GRIN2B: variants seen among roughly 807,000 people sequenced by gnomAD.
GRIN2B encodes glutamate receptor ionotropic, NMDA 2B.
GRIN2B carries 5 observed loss-of-function variants against 114.5 expected under a neutral mutation model. The ratio of observed to expected loss-of-function variants is 0.04; its 90% confidence interval spans 0.02 to 0.09. GRIN2B has a LOEUF of 0.09. GRIN2B is among the 10% of genes least tolerant of loss of function. The pLI is 1.00. For synonymous variants in GRIN2B, 787 were observed against 745.1 expected, an observed-to-expected ratio of 1.06 and a Z score of -0.92; for missense variants, 1,108 against 1,943.5, an observed-to-expected ratio of 0.57 and a Z score of 8.08.
intron 10 of GRIN2B, among the ~76,000 whole-genome samples, chr12:13,606,402 A>G (rs1189005038): frequency 2.0e-5 from 3 of 152,094 alleles, no homozygotes; most frequent in Non-Finnish European, 4.4e-5. Context: ...CTTTTTAACA[A>G]TCAGCTGTTG....
chr12:13,685,302 C>T (rs1421041824), intron 4 of GRIN2B, among the ~76,000 whole-genome samples: 1 of 152,208 alleles, frequency 6.6e-6, no homozygotes, highest in Admixed American at 6.5e-5. Context: ...TCACAATTCC[C>T]TCTAACAGCT....
Position 13,953,078 on chromosome 12 carries a change from C to G in GRIN2B, c.-19+26850G>C, listed in dbSNP as rs373210410. Among the ~76,000 whole-genome samples, 116 of 152,058 alleles carry G rather than the reference C, an allele frequency of 7.6e-4. 1 individual carries two copies. Among genetic ancestry groups the G allele is most frequent in the African/African-American group, 2.7e-3 (114 of 41,496 alleles). On this transcript the variant is annotated intron_variant, in intron 2 of 13. Transcript: ENST00000609686. ...TGACTCCAGGGATGCATGCTAGAAT[C>G]ATCTGAAACTTCTCAACTTACATGG...
intron 3 of GRIN2B, among the ~76,000 whole-genome samples, chr12:13,849,741 C>A (rs1865527469): frequency 6.6e-6 from 1 of 152,140 alleles, no homozygotes; most frequent in African/African-American, 2.4e-5. Flanking sequence ...GGCCTGTTCC[C>A]ATCTGATTTC....
chr12:13,861,462 G>A (rs1244920588), intron 3 of GRIN2B, among the ~76,000 whole-genome samples: 1 of 152,184 alleles, frequency 6.6e-6, no homozygotes, highest in Non-Finnish European at 1.5e-5. Flanking sequence ...GGATCTCAGG[G>A]AGAATAAAAG....
At chr12:13,954,811 G>GAAAAAAAAAAAAAAAAAAAAA (rs61525874) in intron 2 of GRIN2B, among the ~76,000 whole-genome samples, 938 of 25,400 alleles carry the variant, frequency 0.037, 257 homozygotes, top group Non-Finnish European at 0.071. Context: ...TCCGTCTCAG[G>GAAAAAAAAAAAAAAAAAAAAA]AAAAAAAAAA....
intron 2 of GRIN2B, among the ~76,000 whole-genome samples, chr12:13,927,982 A>AAAAAAAAAAAAG (rs71067738): frequency 2.6e-4 from 34 of 129,750 alleles, no homozygotes; most frequent in African/African-American, 9.3e-4. Flanking sequence ...AAAAAAAAAA[A>AAAAAAAAAAAAG]GGGGGGGTAT....
intron 4 of GRIN2B, among the ~76,000 whole-genome samples, chr12:13,748,597 A>G (rs932002679): frequency 6.6e-6 from 1 of 152,234 alleles, no homozygotes; most frequent in African/African-American, 2.4e-5. Flanking sequence ...AGGAACCAAG[A>G]AAATTCTTCC....
chr12:13,760,813 A>C (rs1326648003), intron 3 of GRIN2B, among the ~76,000 whole-genome samples: 1 of 152,192 alleles, frequency 6.6e-6, no homozygotes, highest in Non-Finnish European at 1.5e-5. Flanking sequence ...CTCCTCCCAA[A>C]ATAAGGGGAA....
At position 13,954,823 on chromosome 12, in the gene GRIN2B, A is replaced by AAC. The variant is rs1375806126; in HGVS notation, c.-19+25104_-19+25105insGT. 4.0e-4 allele frequency among the ~76,000 whole-genome samples: 59 copies of AAC among 147,782 alleles called. 6 individuals are homozygous for AAC. Among genetic ancestry groups the AAC allele is most frequent in the Admixed American group, 3.4e-3 (50 of 14,836 alleles). ...GACTCCGTCTCAGGAAAAAAAAAAA[A>AAC]AAAAAACTTTTTCTTCTTTGAAGGG... On this transcript the variant is annotated intron_variant, in intron 2 of 13. Transcript: ENST00000609686.
Position 13,865,981 on chromosome 12 carries a change from G to T in GRIN2B, c.228C>A (p.Thr76=), listed in dbSNP as rs77299791. 3.7e-6 allele frequency: 6 copies of T among 1,613,812 alleles called. No individual in the cohort carries two copies. The African/African-American group carries it at 6.7e-5, about 18-fold the overall frequency. The change falls in exon 3 of 14, where the codon ACC becomes ACA. Residue 76 remains threonine, a synonymous_variant. Transcript: ENST00000609686. ...PRVELVAMNE[T]DPKSIITRIC... is the part of the protein sequence containing the mutation. The stretch of plus-strand genomic sequence containing the variant: ...TGCGGGTGATGATGCTCTTTGGGTC[G>T]GTCTCATTCATGGCTACCAGTTCCA...
chr12:13,883,550 T>C (rs540729360), intron 2 of GRIN2B, among the ~76,000 whole-genome samples: 1 of 152,280 alleles, frequency 6.6e-6, no homozygotes, highest in Admixed American at 6.5e-5. Context: ...TCCTGCCAAC[T>C]AATGATGTGA....
intron 2 of GRIN2B, among the ~76,000 whole-genome samples, chr12:13,978,295 A>C (rs1863064860): frequency 6.6e-6 from 1 of 152,210 alleles, no homozygotes; most frequent in African/African-American, 2.4e-5. Context: ...AGGTGTCTCT[A>C]AGGTGAGCAC....
chr12:13,957,743 G>A (rs1406841097), intron 2 of GRIN2B, among the ~76,000 whole-genome samples: 1 of 152,130 alleles, frequency 6.6e-6, no homozygotes, highest in Non-Finnish European at 1.5e-5. Context: ...CATCTCTCTT[G>A]CCTCCCTTGA....
At chr12:13,783,230 G>A (rs1316209642) in intron 3 of GRIN2B, among the ~76,000 whole-genome samples, 2 of 151,922 alleles carry the variant, frequency 1.3e-5, no homozygotes, top group Non-Finnish European at 2.9e-5. Flanking sequence ...CAATCACCAA[G>A]GGGCAGGACA....
In GRIN2B at chr12:13,560,187, C is replaced by T. The variant is rs1948523908; in HGVS notation, c.*2596G>A. ...GGGGGATGGACACAATTACTTTCCC[C>T]TGGCTTTTTCACCATAGTGGCCTCC... On this transcript the variant is annotated 3_prime_UTR_variant, in exon 14 of 14. Transcript: ENST00000609686. The T allele has an allele frequency of 6.6e-6, 1 of 152,188 alleles. No homozygotes were observed. Among genetic ancestry groups the T allele is most frequent in the South Asian group, 2.1e-4 (1 of 4,828 alleles). 9.4% of individuals were successfully genotyped at this position (152,188 alleles called of 1,614,324 possible).
At chr12:13,761,427 TAGCCAGAAGAA>T (rs1863678086) in intron 3 of GRIN2B, among the ~76,000 whole-genome samples, 1 of 152,152 alleles carries the variant, frequency 6.6e-6, no homozygotes, top group Non-Finnish European at 1.5e-5. Flanking sequence ...GACAACTTTA[TAGCCAGAAGAA>T]AACAACAGGA....
intron 2 of GRIN2B, among the ~76,000 whole-genome samples, chr12:13,899,728 G>C (rs1866411682): frequency 6.9e-6 from 1 of 144,134 alleles, no homozygotes; most frequent in Admixed American, 6.8e-5. Context: ...TTAAGATGTT[G>C]GAAACTTTTC....
At chr12:13,820,836 C>T (rs988825411) in intron 3 of GRIN2B, among the ~76,000 whole-genome samples, 1 of 152,040 alleles carries the variant, frequency 6.6e-6, no homozygotes, top group African/African-American at 2.4e-5. Flanking sequence ...TAACTAGTCT[C>T]CCTGCCCACA....
At chr12:13,858,267 AT>A (rs1865697374) in intron 3 of GRIN2B, among the ~76,000 whole-genome samples, 1 of 152,120 alleles carries the variant, frequency 6.6e-6, no homozygotes, top group African/African-American at 2.4e-5. Context: ...AGTCTTTCTC[AT>A]CATAACCTCA....
Sources: gnomAD v4.1 joint callset for allele counts (sites outside exome capture counted in the v4.1 genomes callset) on GRCh38, gnomAD v4.1.1 for gene constraint, MANE v1.5 for transcripts, NCBI Gene and HGNC (gene_info 2026-07-23, HGNC 2026-07-21) for gene names.